The following COL25A1 variants were observed in gnomAD, a reference collection of about 807,000 sequenced individuals.
COL25A1 encodes collagen alpha-1(XXV) chain.
In COL25A1, 103 loss-of-function variants were observed where a neutral mutation model predicts 128.4. The observed-to-expected ratio is 0.80, with a 90% CI of 0.68 to 0.94. The LOEUF (loss-of-function observed/expected upper bound fraction) is 0.94, where lower values mean the gene tolerates loss of function less well. Among genes scored for constraint, COL25A1 ranks in the 40% least tolerant of loss-of-function variants. The probability of loss-of-function intolerance (pLI) is 0.00; values close to 1 mark genes in which losing one functional copy is unlikely to be tolerated. For synonymous variants in COL25A1, 279 were observed against 277.2 expected, an observed-to-expected ratio of 1.01 and a Z score of -0.06; for missense variants, 745 against 840.0, an observed-to-expected ratio of 0.89 and a Z score of 1.40.
intron 24 of COL25A1, among the ~76,000 whole-genome samples, chr4:108,859,354 T>C (rs185804556): frequency 2.5e-3 from 379 of 152,270 alleles, no homozygotes; most frequent in Non-Finnish European, 4.7e-3. Flanking sequence ...CCTTGCCACA[T>C]TCCCTCTGCA....
chr4:108,844,720 T>A, intron 29 of COL25A1, 151 bp from the exon 30 acceptor site: 1 of 1,183,456 alleles, frequency 8.4e-7, no homozygotes, highest in Non-Finnish European at 1.1e-6. Flanking sequence ...TCTCTAGATG[T>A]AGAAATTCCC....
In COL25A1 at chr4:108,817,435, CCT is replaced by C. The variant is rs1288929334; in HGVS notation, c.1924-2_1924-1del. 1.2e-6 allele frequency: 2 copies of C among 1,612,844 alleles called. No individual in the cohort carries two copies. Among genetic ancestry groups the C allele is most frequent in the Non-Finnish European group, 1.7e-6 (2 of 1,179,110 alleles). ...CCAGGCATGGGTAAGCCATCTGGCC[CCT>C]GTTTTAAAGAGAAGAAAAAGAATTC... On this transcript the variant is annotated splice_acceptor_variant, in intron 36 of 37. Transcript: ENST00000399132. LOFTEE classifies it high-confidence loss of function.
At chr4:108,929,300 T>C (rs1381816101) in intron 11 of COL25A1, among the ~76,000 whole-genome samples, 4 of 151,424 alleles carry the variant, frequency 2.6e-5, no homozygotes, top group Non-Finnish European at 4.4e-5. Flanking sequence ...TTTTTTCTAT[T>C]TTTAGTAGAG....
chr4:109,091,544 AT>A (rs1177509281), intron 3 of COL25A1, among the ~76,000 whole-genome samples: 2 of 152,154 alleles, frequency 1.3e-5, no homozygotes, highest in Non-Finnish European at 2.9e-5. Context: ...TATCTAGCCT[AT>A]ACTTTTATAC....
In COL25A1 at chr4:108,813,919, T is replaced by C; in HGVS notation, c.*8A>G. 1 of 1,593,836 alleles carries C rather than the reference T, an allele frequency of 6.3e-7. No individual in the cohort carries two copies. The highest frequency in any genetic ancestry group is 8.6e-7 in the Non-Finnish European group (1 of 1,163,378). ...ATACACAACTTCATGCTTGAAAGGT[T>C]AGATTCATCACTGCAGAAAAAGACA... is the stretch of plus-strand genomic sequence containing the variant. On this transcript the variant is annotated 3_prime_UTR_variant, in exon 38 of 38. Transcript: ENST00000399132.
At chr4:109,242,447 T>C (rs1257419405) in intron 3 of COL25A1, among the ~76,000 whole-genome samples, 1 of 152,062 alleles carries the variant, frequency 6.6e-6, no homozygotes, top group Non-Finnish European at 1.5e-5. Context: ...AGGTTGAAGG[T>C]CAAATTATGA....
At chr4:108,869,772 T>G (rs1738472866) in intron 19 of COL25A1, among the ~76,000 whole-genome samples, 1 of 152,142 alleles carries the variant, frequency 6.6e-6, no homozygotes. Flanking sequence ...ATAAGAAAAT[T>G]TTAAAGCAAA....
At chr4:109,268,375 C>T (rs182053051) in intron 3 of COL25A1, among the ~76,000 whole-genome samples, 1 of 152,044 alleles carries the variant, frequency 6.6e-6, no homozygotes, top group Admixed American at 6.5e-5. Context: ...GAGAAAATGA[C>T]GACCACTGCC....
At chr4:108,898,999 CTATA>C (rs1742498198) in intron 15 of COL25A1, among the ~76,000 whole-genome samples, 151 bp downstream of exon 15, 5 of 151,988 alleles carry the variant, frequency 3.3e-5, no homozygotes, top group Admixed American at 6.6e-5. Context: ...ATCTATATAT[CTATA>C]TATCTATATA....
chr4:109,294,825 T>A (rs1036099841), intron 3 of COL25A1, among the ~76,000 whole-genome samples: 20 of 152,148 alleles, frequency 1.3e-4, no homozygotes, highest in African/African-American at 4.6e-4. Context: ...TGAGGTTCCC[T>A]GAAACAGGAA....
intron 3 of COL25A1, among the ~76,000 whole-genome samples, chr4:109,125,572 T>C (rs1768517387): frequency 6.6e-6 from 1 of 152,194 alleles, no homozygotes; most frequent in South Asian, 2.1e-4. Flanking sequence ...GCTTCATTTC[T>C]CTACAAAATT....
intron 6 of COL25A1, among the ~76,000 whole-genome samples, chr4:109,008,516 G>T (rs1004646712): frequency 2.6e-5 from 4 of 152,160 alleles, no homozygotes; most frequent in Admixed American, 1.3e-4. Context: ...GGGAAAGAAG[G>T]TCCAGCTAAG....
At chr4:108,844,003 A>G (rs1315673759) in intron 30 of COL25A1, among the ~76,000 whole-genome samples, 1 of 152,088 alleles carries the variant, frequency 6.6e-6, no homozygotes, top group Non-Finnish European at 1.5e-5. Context: ...GGCTCAGGCA[A>G]TCCTCCCACC....
intron 30 of COL25A1, among the ~76,000 whole-genome samples, chr4:108,843,950 G>T (rs1734769750): frequency 6.6e-6 from 1 of 151,626 alleles, no homozygotes; most frequent in Non-Finnish European, 1.5e-5. Flanking sequence ...CAGGCTAAAG[G>T]GCAAGGGCAT....
intron 3 of COL25A1, among the ~76,000 whole-genome samples, chr4:109,176,973 T>A (rs1288397164): frequency 6.6e-6 from 1 of 152,106 alleles, no homozygotes; most frequent in East Asian, 1.9e-4. Context: ...TCCAGAATTG[T>A]GAAAGGATAC....
intron 32 of COL25A1, among the ~76,000 whole-genome samples, chr4:108,831,817 G>T (rs1733157854): frequency 6.6e-6 from 1 of 151,950 alleles, no homozygotes; most frequent in Non-Finnish European, 1.5e-5. Context: ...TGGAAACATG[G>T]CCTAGCAATA....
intron 6 of COL25A1, among the ~76,000 whole-genome samples, chr4:109,002,250 T>C (rs1755508551): frequency 6.6e-6 from 1 of 152,236 alleles, no homozygotes; most frequent in Admixed American, 6.5e-5. Context: ...GTTGAAGAGA[T>C]ATCTGCATGC....
intron 3 of COL25A1, among the ~76,000 whole-genome samples, chr4:109,100,458 T>C (rs1432243596): frequency 6.6e-6 from 1 of 151,448 alleles, no homozygotes; most frequent in Non-Finnish European, 1.5e-5. Context: ...CATGAGTTAA[T>C]AGTAGGTAGG....
chr4:109,031,358 C>T (rs1242643369), intron 5 of COL25A1, among the ~76,000 whole-genome samples: 4 of 152,070 alleles, frequency 2.6e-5, no homozygotes, highest in Admixed American at 6.5e-5. Flanking sequence ...CCTCGTGATC[C>T]GCCCGCCTCG....
Sources: gnomAD v4.1 joint callset for allele counts (sites outside exome capture counted in the v4.1 genomes callset) on GRCh38, gnomAD v4.1.1 for gene constraint, MANE v1.5 for transcripts, NCBI Gene and HGNC (gene_info 2026-07-23, HGNC 2026-07-21) for gene names.